Variants in PCDHGA4 observed in about 807,000 individuals in gnomAD.
PCDHGA4 encodes protocadherin gamma subfamily A, 4.
A neutral mutation model predicts 54.6 loss-of-function variants in PCDHGA4; 38 were observed. The ratio of observed to expected loss-of-function variants is 0.70; its 90% CI spans 0.54 to 0.91. The LOEUF is 0.91. PCDHGA4 is among the 40% of genes least tolerant of loss of function. The probability of loss-of-function intolerance (pLI) is 0.00; values close to 1 mark genes in which losing one functional copy is unlikely to be tolerated. For missense variants in PCDHGA4, 1,298 were observed against 1,220.9 expected (o/e 1.06, Z -0.94); for synonymous variants, 511 against 512.9 (o/e 1.00, Z 0.05).
chr5:141,469,918 G>T (rs2099215604), intron 1 of PCDHGA4, among the ~76,000 whole-genome samples: 2 of 152,148 alleles, frequency 1.3e-5, no homozygotes, highest in African/African-American at 4.8e-5. Context: ...ACCACCCGAG[G>T]TCAGGAGTTT....
rs777895357 is a variant in PCDHGA4, at chr5:141,357,337, G to A, written c.2230G>A (p.Ala744Thr). The change falls in exon 1 of 4, where the codon GCA becomes ACA. Residue 744 changes from alanine (A) to threonine (T), a missense_variant. Physicochemically the swap from Ala to Thr is moderately conservative, Grantham distance 58. Coordinates refer to ENST00000571252, the MANE Select transcript of PCDHGA4 (RefSeq NM_018917.4). ...VFLAFVTVLL[A>T]LKLRRWHKSR... ...CCTGGCTTTTGTCACGGTGCTGCTA[G>A]CACTCAAGCTGAGACGCTGGCACAA... The A allele has an allele frequency of 1.7e-5, 28 of 1,614,000 alleles. No homozygotes were observed. The highest frequency in any genetic ancestry group is 2.3e-5 in the Non-Finnish European group (27 of 1,179,954).
chr5:141,414,726 C>G (rs761022941), intron 1 of PCDHGA4: 5 of 1,614,196 alleles, frequency 3.1e-6, no homozygotes, highest in Non-Finnish European at 4.2e-6. Context: ...ACACTGGCGT[C>G]CTGTATGCAC....
chr5:141,392,896 G>A, intron 1 of PCDHGA4: 1 of 1,613,812 alleles, frequency 6.2e-7, no homozygotes, highest in Non-Finnish European at 8.5e-7. Flanking sequence ...GAAATCGGGA[G>A]GGGACAGATT....
intron 1 of PCDHGA4, chr5:141,379,314 G>T (rs557036464): frequency 6.6e-6 from 1 of 152,242 alleles, no homozygotes; most frequent in South Asian, 2.1e-4. Context: ...CTAAACAAGA[G>T]ATCTAATCAT....
At chr5:141,418,441 A>T in intron 1 of PCDHGA4, 2 of 1,614,000 alleles carry the variant, frequency 1.2e-6, no homozygotes, top group East Asian at 4.5e-5. Flanking sequence ...ATCCAGAATT[A>T]GTATTGCAGA....
At chr5:141,464,279 C>CA (rs373828487) in intron 1 of PCDHGA4, among the ~76,000 whole-genome samples, 31,576 of 137,520 alleles carry the variant, frequency 0.23, 3,494 homozygotes, top group African/African-American at 0.28. Context: ...AAAAAAAAAG[C>CA]AAAAAAAAAA....
At chr5:141,362,219 C>T (rs368538544) in intron 1 of PCDHGA4, 249 of 1,613,916 alleles carry the variant, frequency 1.5e-4, no homozygotes, top group Non-Finnish European at 1.9e-4. Flanking sequence ...CTGGTTGTGG[C>T]CTTGGCCTTG....
intron 1 of PCDHGA4, among the ~76,000 whole-genome samples, chr5:141,448,728 C>T (rs575604763): frequency 6.6e-6 from 1 of 151,986 alleles, no homozygotes; most frequent in Non-Finnish European, 1.5e-5. Context: ...ATCACGAGGT[C>T]AGGAGATCGA....
At chr5:141,503,396 A>G (rs1025780031) in intron 2 of PCDHGA4, among the ~76,000 whole-genome samples, 2 of 151,944 alleles carry the variant, frequency 1.3e-5, no homozygotes, top group African/African-American at 2.4e-5. Flanking sequence ...GGAGTTCGAA[A>G]CCAACCTGGC....
intron 1 of PCDHGA4, among the ~76,000 whole-genome samples, chr5:141,407,384 G>A (rs911492449): frequency 1.3e-5 from 2 of 152,182 alleles, no homozygotes; most frequent in Non-Finnish European, 2.9e-5. Flanking sequence ...AGGCTTGTAT[G>A]TCATGGTAGG....
In PCDHGA4 at chr5:141,505,470, C is replaced by G; in HGVS notation, c.2651C>G (p.Ala884Gly). 6.2e-7 allele frequency: 1 copy of G among 1,614,186 alleles called. No individual in the cohort carries two copies. Among genetic ancestry groups the G allele is most frequent in the Non-Finnish European group, 8.5e-7 (1 of 1,180,002 alleles). Residue 884 changes from alanine to glycine, a missense_variant, in exon 3 of 4, where the codon GCG (alanine) becomes GGG (glycine). Ala to Gly is a moderately conservative substitution (Grantham distance 60). Transcript: ENST00000571252. ...GAGATGCTGCAAGCCATGATCTTGG[C>G]GTCCGCCAGTGGTAAGTGGTGTCAG... The part of the protein sequence containing the change: ...DTEMLQAMIL[A>G]SASEAADGSS...
intron 1 of PCDHGA4, chr5:141,383,842 T>C: frequency 6.2e-7 from 1 of 1,613,970 alleles, no homozygotes. Context: ...AACTGCCTTC[T>C]ATGAAATGGA....
chr5:141,386,303 T>A (rs938709302), intron 1 of PCDHGA4, among the ~76,000 whole-genome samples: 6 of 152,202 alleles, frequency 3.9e-5, no homozygotes, highest in Admixed American at 2.0e-4. Flanking sequence ...TTAGTAAAGC[T>A]CAGTATATCA....
At chr5:141,361,447 G>T (rs942275534) in intron 1 of PCDHGA4, 3 of 1,613,998 alleles carry the variant, frequency 1.9e-6, no homozygotes, top group African/African-American at 2.7e-5. Flanking sequence ...CAGCATAATT[G>T]TCACCCTGCA....
intron 1 of PCDHGA4, chr5:141,389,822 C>T (rs1253797821): frequency 1.2e-6 from 2 of 1,613,932 alleles, no homozygotes; most frequent in Non-Finnish European, 1.7e-6. Flanking sequence ...CCGTGCGTGA[C>T]GGTGGACAGC....
At position 141,357,636 on chromosome 5, in the gene PCDHGA4, T is replaced by C. The variant is rs1760683281; in HGVS notation, c.2514+15T>C. Reference sequence around the variant, plus strand: ...CTAATCTTCAGGTGAGTCAATCTTATAATAGATCATACCACACTGAAATAT... The same window carrying C: ...CTAATCTTCAGGTGAGTCAATCTTACAATAGATCATACCACACTGAAATAT... On this transcript the variant is annotated intron_variant, in intron 1 of 3. Transcript: ENST00000571252. The C allele has an allele frequency of 3.7e-6, 6 of 1,612,636 alleles. No homozygotes were observed. The highest frequency in any genetic ancestry group is 4.2e-6 in the Non-Finnish European group (5 of 1,178,838).
chr5:141,443,104 C>A (rs950011995), intron 1 of PCDHGA4, among the ~76,000 whole-genome samples: 1 of 151,854 alleles, frequency 6.6e-6, no homozygotes, highest in East Asian at 1.9e-4. Flanking sequence ...TCAAGCTGAA[C>A]CTTGCTTTTC....
chr5:141,412,847 A>G (rs1206334568), intron 1 of PCDHGA4: 1 of 213,282 alleles, frequency 4.7e-6, no homozygotes, highest in Non-Finnish European at 9.1e-6. Flanking sequence ...AGGAGTGGAG[A>G]AACCAAAGAA....
chr5:141,467,764 TGCCCGCACCTCA>T (rs544344217), intron 1 of PCDHGA4, among the ~76,000 whole-genome samples: 90 of 152,158 alleles, frequency 5.9e-4, no homozygotes, highest in South Asian at 1.0e-3. Context: ...CATGCTCAAG[TGCCCGCACCTCA>T]GCCTCTCAAG....
Sources: gnomAD v4.1 joint callset for allele counts (sites outside exome capture counted in the v4.1 genomes callset) on GRCh38, gnomAD v4.1.1 for gene constraint, MANE v1.5 for transcripts, NCBI Gene and HGNC (gene_info 2026-07-23, HGNC 2026-07-21) for gene names.